The following SLC24A2 variants were observed in gnomAD, a reference collection of about 807,000 sequenced individuals.
SLC24A2 encodes the protein sodium/potassium/calcium exchanger 2.
Under a neutral mutation model 62.0 loss-of-function variants are expected in SLC24A2, and 36 were observed. The observed-to-expected ratio is 0.58, with a 90% CI of 0.44 to 0.77. The LOEUF (loss-of-function observed/expected upper bound fraction) is 0.77, where lower values mean the gene tolerates loss of function less well. SLC24A2 is among the 30% of genes least tolerant of loss of function. The probability of loss-of-function intolerance (pLI) is 0.00; values close to 1 mark genes in which losing one functional copy is unlikely to be tolerated. For synonymous variants in SLC24A2, 358 were observed against 294.0 expected, an observed-to-expected ratio of 1.22 and a Z score of -2.23; for missense variants, 846 against 817.9, an observed-to-expected ratio of 1.03 and a Z score of -0.42.
At chr9:19,901,686 C>G in the SLC24A2 span, among the ~76,000 whole-genome samples, 14 of 151,978 alleles carry the variant, frequency 9.2e-5, no homozygotes, top group African/African-American at 3.4e-4. Flanking sequence ...ACAATTAGGC[C>G]CTAGATGTCA....
At chr9:19,544,166 C>T (rs556916135) in intron 8 of SLC24A2, among the ~76,000 whole-genome samples, 2 of 151,636 alleles carry the variant, frequency 1.3e-5, no homozygotes, top group South Asian at 2.1e-4. Flanking sequence ...TTGCATTGAT[C>T]CCTTTACCAT....
the SLC24A2 span, among the ~76,000 whole-genome samples, chr9:19,971,039 A>G: frequency 6.6e-6 from 1 of 152,188 alleles, no homozygotes; most frequent in Non-Finnish European, 1.5e-5. Context: ...TGGGATACTA[A>G]CAAATGTGGG....
At chr9:20,043,635 G>T in the SLC24A2 span, among the ~76,000 whole-genome samples, 1 of 152,210 alleles carries the variant, frequency 6.6e-6, no homozygotes, top group Non-Finnish European at 1.5e-5. Context: ...TGCAGATGTG[G>T]TGGGAATAGT....
the SLC24A2 span, among the ~76,000 whole-genome samples, chr9:20,238,355 A>C: frequency 2.0e-5 from 3 of 152,194 alleles, no homozygotes; most frequent in Admixed American, 2.0e-4. Context: ...TCACACACAT[A>C]GGCTGAAAAA....
chr9:20,295,644 G>C, the SLC24A2 span, among the ~76,000 whole-genome samples: 1 of 152,192 alleles, frequency 6.6e-6, no homozygotes, highest in South Asian at 2.1e-4. Flanking sequence ...CTGAAGCTGA[G>C]AGAAATATTT....
At chr9:20,008,501 C>T in the SLC24A2 span, among the ~76,000 whole-genome samples, 6 of 152,160 alleles carry the variant, frequency 3.9e-5, no homozygotes, top group African/African-American at 1.4e-4. Context: ...CAGTTCCATA[C>T]TTCCAACCCC....
the SLC24A2 span, among the ~76,000 whole-genome samples, chr9:19,964,385 A>G: frequency 2.6e-5 from 4 of 151,990 alleles, no homozygotes; most frequent in Non-Finnish European, 4.4e-5. Flanking sequence ...TAATAATAAT[A>G]AAAAAAGGAG....
the SLC24A2 span, among the ~76,000 whole-genome samples, chr9:20,102,938 C>T: frequency 3.3e-5 from 5 of 152,120 alleles, no homozygotes; most frequent in East Asian, 9.7e-4. Flanking sequence ...AGTTCCCTTT[C>T]CTAGTCAAAG....
At chr9:19,939,410 CAAT>C in the SLC24A2 span, among the ~76,000 whole-genome samples, 5 of 152,152 alleles carry the variant, frequency 3.3e-5, no homozygotes, top group South Asian at 6.2e-4. Flanking sequence ...AATTGTAACA[CAAT>C]GATGAGTATT....
chr9:20,297,815 G>A, the SLC24A2 span, among the ~76,000 whole-genome samples: 3 of 152,200 alleles, frequency 2.0e-5, no homozygotes, highest in Non-Finnish European at 4.4e-5. Flanking sequence ...ATACTCCCAG[G>A]GACGGAACAT....
the SLC24A2 span, among the ~76,000 whole-genome samples, chr9:20,270,649 G>A: frequency 1.3e-5 from 2 of 152,256 alleles, no homozygotes; most frequent in African/African-American, 4.8e-5. Context: ...CAGCCCAAAG[G>A]CATACCTACT....
intron 8 of SLC24A2, among the ~76,000 whole-genome samples, chr9:19,541,653 CTT>C (rs1423732254): frequency 2.1e-4 from 31 of 148,446 alleles, no homozygotes; most frequent in African/African-American, 7.5e-4. Flanking sequence ...TTACTGCTGT[CTT>C]TTTGTTTGTC....
the SLC24A2 span, among the ~76,000 whole-genome samples, chr9:20,291,217 A>G: frequency 5.3e-5 from 8 of 152,354 alleles, no homozygotes; most frequent in South Asian, 1.2e-3. Flanking sequence ...TGGAAAACAC[A>G]GGAGAGCATA....
At chr9:19,977,446 T>C in the SLC24A2 span, among the ~76,000 whole-genome samples, 1 of 152,076 alleles carries the variant, frequency 6.6e-6, no homozygotes. Flanking sequence ...AGCTGATTGA[T>C]GATGGTCGTG....
At chr9:19,673,749 C>T (rs924241124) in intron 2 of SLC24A2, among the ~76,000 whole-genome samples, 7 of 152,124 alleles carry the variant, frequency 4.6e-5, no homozygotes, top group South Asian at 2.1e-4. Flanking sequence ...TGCGCCCAGA[C>T]GTGAGTTCTT....
chr9:20,268,073 G>C, the SLC24A2 span, among the ~76,000 whole-genome samples: 1 of 152,172 alleles, frequency 6.6e-6, no homozygotes, highest in Non-Finnish European at 1.5e-5. Flanking sequence ...GGAGGGAATG[G>C]GAAATGAGTA....
At chr9:19,850,268 T>C in the SLC24A2 span, among the ~76,000 whole-genome samples, 14 of 152,178 alleles carry the variant, frequency 9.2e-5, no homozygotes, top group African/African-American at 3.1e-4. Flanking sequence ...TTATAGGTTA[T>C]ACTGCAATAA....
the SLC24A2 span, among the ~76,000 whole-genome samples, chr9:20,075,863 C>T: frequency 6.6e-6 from 1 of 152,134 alleles, no homozygotes; most frequent in African/African-American, 2.4e-5. Flanking sequence ...GAATTGGTTC[C>T]AGGACCTCTC....
At chr9:19,907,005 C>G in the SLC24A2 span, among the ~76,000 whole-genome samples, 44 of 152,288 alleles carry the variant, frequency 2.9e-4, no homozygotes, top group East Asian at 6.0e-3. Context: ...ATACCAAAGC[C>G]TGGCAGAGAC....
Sources: allele counts gnomAD v4.1 joint callset (sites outside exome capture counted in the v4.1 genomes callset), GRCh38; gene constraint gnomAD v4.1.1; transcripts MANE v1.5; gene names NCBI Gene and HGNC (gene_info 2026-07-23, HGNC 2026-07-21).